ELOVL7: variants seen among roughly 807,000 people sequenced by gnomAD.
The protein encoded by ELOVL7 is very long chain fatty acid elongase 7.
ELOVL7 carries 27 observed loss-of-function variants against 35.7 expected under a neutral mutation model. That is an observed-to-expected ratio of 0.76 (90% CI 0.56 to 1.04). The LOEUF (loss-of-function observed/expected upper bound fraction) is 1.04, where lower values mean the gene tolerates loss of function less well. Ranked by LOEUF, ELOVL7 falls within the 50% of genes least tolerant of loss-of-function variation. The probability of loss-of-function intolerance (pLI) is 0.00; values close to 1 mark genes in which losing one functional copy is unlikely to be tolerated. For missense variants in ELOVL7, 327 were observed against 340.8 expected, an observed-to-expected ratio of 0.96 and a Z score of 0.32; for synonymous variants, 113 against 114.6, an observed-to-expected ratio of 0.99 and a Z score of 0.09.
At chr5:60,836,904 T>C (rs1306399630) in intron 1 of ELOVL7, among the ~76,000 whole-genome samples, 3 of 151,920 alleles carry the variant, frequency 2.0e-5, no homozygotes, top group African/African-American at 4.9e-5. Flanking sequence ...AAAACTATTG[T>C]AAGATATCAG....
intron 2 of ELOVL7, among the ~76,000 whole-genome samples, chr5:60,797,132 C>T (rs1039210037): frequency 2.6e-5 from 4 of 152,056 alleles, no homozygotes; most frequent in African/African-American, 9.7e-5. Flanking sequence ...GTGGAACAGC[C>T]TCAGTAAAAA....
intron 1 of ELOVL7, among the ~76,000 whole-genome samples, chr5:60,821,013 C>T (rs563294173): frequency 1.8e-4 from 27 of 152,204 alleles, no homozygotes; most frequent in Admixed American, 2.6e-4. Context: ...ACAAAGTTCT[C>T]GGTAAATTTG....
chr5:60,795,924 C>T (rs1248031688), intron 2 of ELOVL7, among the ~76,000 whole-genome samples: 1 of 151,982 alleles, frequency 6.6e-6, no homozygotes, highest in African/African-American at 2.4e-5. Context: ...GGTCAGAGAA[C>T]AAAAGGCTTG....
chr5:60,816,557 C>T (rs1040082119), intron 1 of ELOVL7, among the ~76,000 whole-genome samples: 1 of 152,148 alleles, frequency 6.6e-6, no homozygotes, highest in South Asian at 2.1e-4. Flanking sequence ...CAGTTCTAGC[C>T]AAATAGGCCA....
intron 1 of ELOVL7, among the ~76,000 whole-genome samples, chr5:60,818,319 GAAAAAAAAAA>G (rs60141189): frequency 1.4e-4 from 10 of 70,592 alleles, no homozygotes; most frequent in Non-Finnish European, 2.1e-4. Context: ...TTCCATCTCA[GAAAAAAAAAA>G]AAAAAAAAAA....
chr5:60,800,311 T>C (rs986062793), intron 1 of ELOVL7, among the ~76,000 whole-genome samples: 2 of 152,146 alleles, frequency 1.3e-5, no homozygotes, highest in Non-Finnish European at 2.9e-5. Context: ...ATCCCTAGGA[T>C]ACAAGGATGG....
At chr5:60,827,700 A>T (rs1017855812) in intron 1 of ELOVL7, among the ~76,000 whole-genome samples, 1 of 152,208 alleles carries the variant, frequency 6.6e-6, no homozygotes, top group Admixed American at 6.5e-5. Context: ...GAAAAGTCTC[A>T]AATTCTACAA....
At chr5:60,755,359 C>G (rs1398969117) in intron 8 of ELOVL7, among the ~76,000 whole-genome samples, 1 of 152,122 alleles carries the variant, frequency 6.6e-6, no homozygotes, top group South Asian at 2.1e-4. Context: ...TCCACTGTCA[C>G]AGATAAAAAT....
At chr5:60,823,484 C>T (rs781291327) in intron 1 of ELOVL7, among the ~76,000 whole-genome samples, 92 of 152,176 alleles carry the variant, frequency 6.0e-4, no homozygotes, top group Non-Finnish European at 1.1e-3. Flanking sequence ...CCCATGCCTA[C>T]CACAGTGCCT....
chr5:60,815,716 C>T lies in ELOVL7; in HGVS notation c.-85-16486G>A, dbSNP rs181497778. On this transcript the variant is annotated intron_variant, in intron 1 of 8. Transcript: ENST00000508821. ...AAAAATAGCTGGGATTGCAGGTTTG[C>T]GCCACCATGCCTGGCTAATTTTTCT... is the stretch of plus-strand genomic sequence containing the variant. Among the ~76,000 whole-genome samples, 757 of 152,182 alleles carry T rather than the reference C, an allele frequency of 5.0e-3. 10 individuals are homozygous for T. Among genetic ancestry groups the T allele is most frequent in the African/African-American group, 0.018 (729 of 41,512 alleles).
intron 7 of ELOVL7, among the ~76,000 whole-genome samples, chr5:60,759,444 G>A (rs1741746951): frequency 6.6e-6 from 1 of 152,142 alleles, no homozygotes; most frequent in Non-Finnish European, 1.5e-5. Context: ...TAGTTGAGGA[G>A]TCAAGGTGCT....
At chr5:60,787,721 A>G (rs1743686461) in intron 2 of ELOVL7, among the ~76,000 whole-genome samples, 1 of 152,226 alleles carries the variant, frequency 6.6e-6, no homozygotes, top group Admixed American at 6.5e-5. Context: ...TCATAGGAGC[A>G]GCTCCCTTTT....
At chr5:60,802,365 C>A (rs1579875979) in intron 1 of ELOVL7, among the ~76,000 whole-genome samples, 1 of 151,948 alleles carries the variant, frequency 6.6e-6, no homozygotes, top group South Asian at 2.1e-4. Context: ...GTTTGAGAAT[C>A]TTTTCTTAAT....
At chr5:60,760,393 T>C (rs1363030570) in intron 7 of ELOVL7, among the ~76,000 whole-genome samples, 1 of 152,250 alleles carries the variant, frequency 6.6e-6, no homozygotes, top group Non-Finnish European at 1.5e-5. Flanking sequence ...TGGCTAGTGA[T>C]GGTGAGCATT....
intron 7 of ELOVL7, among the ~76,000 whole-genome samples, chr5:60,760,178 G>A (rs1452458648): frequency 6.6e-6 from 1 of 152,100 alleles, no homozygotes; most frequent in African/African-American, 2.4e-5. Flanking sequence ...TGGGTCAAAT[G>A]GTATTTCTAG....
chr5:60,757,661 A>G lies in ELOVL7; in HGVS notation c.500-16T>C, dbSNP rs747370460. 1 of 1,540,388 alleles carries G rather than the reference A, an allele frequency of 6.5e-7. No homozygotes were observed. Among genetic ancestry groups the G allele is most frequent in the Admixed American group, 1.7e-5 (1 of 57,188 alleles). Reference sequence around the variant, plus strand: ...CCCAAACCACCTGGAAAATAAAATTATTGTAACATGGGGCCATTGTTCCTT... The same window carrying G: ...CCCAAACCACCTGGAAAATAAAATTGTTGTAACATGGGGCCATTGTTCCTT... On this transcript the variant is annotated splice_polypyrimidine_tract_variant and intron_variant, in intron 7 of 8. Coordinates refer to ENST00000508821, the MANE Select transcript of ELOVL7 (RefSeq NM_024930.3).
intron 1 of ELOVL7, among the ~76,000 whole-genome samples, chr5:60,836,313 C>G (rs534684711): frequency 5.9e-5 from 9 of 152,068 alleles, no homozygotes; most frequent in African/African-American, 1.9e-4. Flanking sequence ...CTGAATAATT[C>G]GTCATTGGAC....
intron 7 of ELOVL7, among the ~76,000 whole-genome samples, chr5:60,759,627 C>T (rs1428665636): frequency 5.4e-5 from 8 of 147,058 alleles, no homozygotes; most frequent in African/African-American, 2.0e-4. Context: ...TTTAATTTGT[C>T]TAAAGTTTTT....
At chr5:60,827,171 C>G (rs1422822570) in intron 1 of ELOVL7, among the ~76,000 whole-genome samples, 2 of 152,100 alleles carry the variant, frequency 1.3e-5, no homozygotes, top group Non-Finnish European at 2.9e-5. Flanking sequence ...TGATTTAATG[C>G]ATAATCTGTG....
Sources: allele counts gnomAD v4.1 joint callset (sites outside exome capture counted in the v4.1 genomes callset), GRCh38; gene constraint gnomAD v4.1.1; transcripts MANE v1.5; gene names NCBI Gene and HGNC (gene_info 2026-07-23, HGNC 2026-07-21).